Variants in POT1 observed in about 807,000 individuals in gnomAD.
POT1 encodes protection of telomeres protein 1.
Under a neutral mutation model 78.5 loss-of-function variants are expected in POT1, and 47 were observed. The observed-to-expected ratio is 0.60, with a 90% confidence interval of 0.47 to 0.76. The LOEUF (loss-of-function observed/expected upper bound fraction) is 0.76, where lower values mean the gene tolerates loss of function less well. POT1 is among the 30% of genes least tolerant of loss of function. POT1 has a pLI of 0.00. For missense variants in POT1, 646 were observed against 749.9 expected (o/e 0.86, Z 1.62); for synonymous variants, 259 against 260.7 (o/e 0.99, Z 0.06).
intron 5 of POT1, among the ~76,000 whole-genome samples, chr7:124,894,982 C>A (rs765940942): frequency 6.6e-6 from 1 of 151,566 alleles, no homozygotes; most frequent in Non-Finnish European, 1.5e-5. Flanking sequence ...ATATCTAAAG[C>A]AACAGGCATA....
In POT1 at chr7:124,835,156, TG is replaced by T. The variant is rs978465994; in HGVS notation, c.1505+122del. The T allele has an allele frequency of 1.6e-5, 19 of 1,156,022 alleles. No individual in the cohort carries two copies. The African/African-American group carries it at 2.5e-4, about 15-fold the overall frequency. The allele number at this position is 1,156,022 out of a possible 1,614,324, so 71.6% of individuals were successfully genotyped here. On this transcript the variant is annotated intron_variant, in intron 15 of 18. Coordinates refer to ENST00000357628, the MANE Select transcript of POT1 (RefSeq NM_015450.3). ...ATGCCTAATGCAGGTGACGGGTTGA[TG>T]GGTGCAGCAAACCACAATAGCACGT... is the stretch of plus-strand genomic sequence containing the variant.
Position 124,859,348 on chromosome 7 carries a change from C to G in POT1, c.547-236G>C, listed in dbSNP as rs4422720. On this transcript the variant is annotated intron_variant, in intron 8 of 18. Coordinates refer to ENST00000357628, the MANE Select transcript of POT1 (RefSeq NM_015450.3). ...AGAGTCACACTGCCATAAGCTCAGA[C>G]TAAATATTCCTGAGTCAAGTGCTTT... Among the ~76,000 whole-genome samples the G allele has an allele frequency of 0.6, 91,190 of 151,830 alleles. 27,500 individuals are homozygous for G. The highest frequency in any genetic ancestry group is 0.64 in the African/African-American group (26,703 of 41,434).
rs142781081 is a variant in POT1 at position 124,908,110 on chromosome 7, G to T, written c.-154+7464C>A. ...TATAAAATAACTGATAATCCAAAATGAAAAACACTTATTTGACTTTAACAA... is the reference window on the plus strand; with the variant it reads ...TATAAAATAACTGATAATCCAAAATTAAAAACACTTATTTGACTTTAACAA... On this transcript the variant is annotated intron_variant, in intron 3 of 18. Transcript: ENST00000357628. Among the ~76,000 whole-genome samples, 260 of 151,974 alleles carry T rather than the reference G, an allele frequency of 1.7e-3. 1 individual carries two copies. The highest frequency in any genetic ancestry group is 2.6e-3 in the Non-Finnish European group (177 of 67,886).
intron 6 of POT1, among the ~76,000 whole-genome samples, chr7:124,891,858 T>C (rs768928150): frequency 9.2e-5 from 14 of 151,766 alleles, no homozygotes; most frequent in Non-Finnish European, 2.1e-4. Context: ...TTTTATACTA[T>C]GTATCCATTA....
At chr7:124,855,767 T>G (rs1400856907) in intron 9 of POT1, among the ~76,000 whole-genome samples, 1 of 151,974 alleles carries the variant, frequency 6.6e-6, no homozygotes, top group Non-Finnish European at 1.5e-5. Context: ...CGGTCAAGAA[T>G]TTCCCTTTAG....
chr7:124,860,462 A>G (rs1438672107), intron 8 of POT1, among the ~76,000 whole-genome samples: 5 of 152,168 alleles, frequency 3.3e-5, no homozygotes, highest in Non-Finnish European at 5.9e-5. Flanking sequence ...ATACTGTAAG[A>G]AAGATAAATA....
chr7:124,844,000 A>C (rs955561921), intron 12 of POT1, among the ~76,000 whole-genome samples: 4 of 152,216 alleles, frequency 2.6e-5, no homozygotes, highest in Non-Finnish European at 4.4e-5. Context: ...CTTCTGTGAC[A>C]AATGAGTCTG....
At position 124,835,392 on chromosome 7, in the gene POT1, G is replaced by A. The variant is rs768801289; in HGVS notation, c.1392C>T (p.Cys464=). The A allele has an allele frequency of 1.2e-6, 2 of 1,612,816 alleles. No homozygotes were observed. Among genetic ancestry groups the A allele is most frequent in the South Asian group, 1.1e-5 (1 of 91,046 alleles). Reference sequence around the variant, plus strand: ...CACTATTAAACTTGTTCGAGAGTTTGCAAATTTCACTGAGTGTACCTCCTG... The same window carrying A: ...CACTATTAAACTTGTTCGAGAGTTTACAAATTTCACTGAGTGTACCTCCTG... ...LIEGGTLSEI[C]KLSNKFNSVI... Residue 464 remains cysteine, a synonymous_variant, in exon 15 of 19, where the codon TGC becomes TGT. Transcript: ENST00000357628.
chr7:124,926,685 T>C (rs1019412410), intron 2 of POT1, among the ~76,000 whole-genome samples: 26 of 152,144 alleles, frequency 1.7e-4, no homozygotes, highest in African/African-American at 4.8e-4. Flanking sequence ...TCAACCAAAG[T>C]GTACATCGAT....
At chr7:124,916,054 C>T (rs1797007432) in intron 2 of POT1, among the ~76,000 whole-genome samples, 1 of 152,028 alleles carries the variant, frequency 6.6e-6, no homozygotes, top group South Asian at 2.1e-4. Flanking sequence ...ATAGTGTGGA[C>T]AAATCAACAG....
intron 3 of POT1, among the ~76,000 whole-genome samples, chr7:124,904,508 A>G (rs141127958): frequency 0.2 from 30,683 of 152,124 alleles, 3,792 homozygotes; most frequent in East Asian, 0.3. Flanking sequence ...AAATAATAAG[A>G]GCTATTTATG....
chr7:124,904,832 A>T (rs1178367809), intron 3 of POT1, among the ~76,000 whole-genome samples: 4 of 152,226 alleles, frequency 2.6e-5, no homozygotes, highest in Non-Finnish European at 4.4e-5. Context: ...CAAAAATCAC[A>T]AGCATTCCTA....
At chr7:124,892,195 C>T (rs1584791887) in intron 6 of POT1, 71 bp downstream of exon 6, 4 of 914,512 alleles carry the variant, frequency 4.4e-6, no homozygotes, top group Non-Finnish European at 6.7e-6. Flanking sequence ...ACTTAGGGTA[C>T]AGATGGAACC....
intron 6 of POT1, among the ~76,000 whole-genome samples, chr7:124,890,801 T>C (rs1323436779): frequency 6.6e-6 from 1 of 151,908 alleles, no homozygotes; most frequent in Non-Finnish European, 1.5e-5. Flanking sequence ...CTCAAGAGTG[T>C]ATTGTTTAAT....
chr7:124,856,699 G>A (rs1795454964), intron 9 of POT1, among the ~76,000 whole-genome samples: 2 of 152,100 alleles, frequency 1.3e-5, no homozygotes, highest in Admixed American at 6.6e-5. Flanking sequence ...AGCAGTATAG[G>A]GAAAGAGAAG....
At chr7:124,891,673 G>A (rs1036978173) in intron 6 of POT1, among the ~76,000 whole-genome samples, 8 of 150,642 alleles carry the variant, frequency 5.3e-5, no homozygotes, top group African/African-American at 2.0e-4. Flanking sequence ...ATTTTCTTTT[G>A]TGTATCTTTT....
Position 124,899,741 on chromosome 7 carries a change from G to GA in POT1, c.-153-1368dup, listed in dbSNP as rs55872782. 3.3e-5 allele frequency among the ~76,000 whole-genome samples: 5 copies of GA among 151,372 alleles called. No homozygotes were observed. In the South Asian group the frequency reaches 8.3e-4, roughly 25 times the overall value. ...TTATCAGTTCTAAATTATCCAAGTA[G>GA]AAAAAAAAACCTACCTCTTGTTATC... On this transcript the variant is annotated intron_variant, in intron 3 of 18. Transcript: ENST00000357628.
At chr7:124,924,971 T>C (rs947971744) in intron 2 of POT1, among the ~76,000 whole-genome samples, 1 of 151,860 alleles carries the variant, frequency 6.6e-6, no homozygotes, top group Non-Finnish European at 1.5e-5. Context: ...CTCAACATAA[T>C]AAAGGTCATG....
chr7:124,823,918 A>G lies in POT1; in HGVS notation c.*44T>C. The G allele has an allele frequency of 2.4e-6, 3 of 1,240,240 alleles. No individual in the cohort carries two copies. Among genetic ancestry groups the G allele is most frequent in the Non-Finnish European group, 3.5e-6 (3 of 849,080 alleles). 76.8% of individuals were successfully genotyped at this position (1,240,240 alleles called of 1,614,324 possible). ...TCAGGAAAAGAAGCTCAAACAGGGA[A>G]GGTGAGTGGCAACATTTTATGTATG... On this transcript the variant is annotated 3_prime_UTR_variant, in exon 19 of 19. Transcript: ENST00000357628.
Sources: gnomAD v4.1 joint callset for allele counts (sites outside exome capture counted in the v4.1 genomes callset) on GRCh38, gnomAD v4.1.1 for gene constraint, MANE v1.5 for transcripts, NCBI Gene and HGNC (gene_info 2026-07-23, HGNC 2026-07-21) for gene names.